ZNF700: variants seen among roughly 807,000 people sequenced by gnomAD.
ZNF700 encodes zinc finger protein 700.
A neutral mutation model predicts 65.3 loss-of-function variants in ZNF700; 38 were observed. The observed-to-expected ratio is 0.58, with a 90% CI of 0.45 to 0.76. The LOEUF (loss-of-function observed/expected upper bound fraction) is 0.76. ZNF700 is among the 30% of genes least tolerant of loss of function. The pLI, the probability that ZNF700 is intolerant of heterozygous loss-of-function variation, is 0.00. For missense variants in ZNF700, 857 were observed against 888.4 expected (o/e 0.96, Z 0.45); for synonymous variants, 285 against 290.4 (o/e 0.98, Z 0.19).
chr19:11,942,325 C>T (rs568675623), intron 1 of ZNF700, among the ~76,000 whole-genome samples: 23 of 151,962 alleles, frequency 1.5e-4, no homozygotes, highest in South Asian at 1.3e-3. Flanking sequence ...TTCAAGGAAA[C>T]ACAGCCTCAG....
At chr19:11,933,909 C>A (rs1038207624) in intron 1 of ZNF700, among the ~76,000 whole-genome samples, 9 of 146,988 alleles carry the variant, frequency 6.1e-5, no homozygotes, top group Non-Finnish European at 1.5e-5. Context: ...CACCCCAGCT[C>A]AGGTGATCCT....
At chr19:11,947,063 G>A (rs544037747) in intron 1 of ZNF700, 118 bp from the exon 2 acceptor site, 132 of 1,457,532 alleles carry the variant, frequency 9.1e-5, no homozygotes, top group South Asian at 5.3e-4. Flanking sequence ...TCTGATAACC[G>A]AAGCAGGGAA....
intron 1 of ZNF700, among the ~76,000 whole-genome samples, chr19:11,928,627 G>A (rs1447559049): frequency 1.4e-5 from 2 of 148,052 alleles, no homozygotes; most frequent in African/African-American, 2.6e-5. Flanking sequence ...AGCTACTTGG[G>A]AGGCTGAGGC....
rs7247192 is a variant in ZNF700 at position 11,926,680 on chromosome 19, C to T, written c.63+1407C>T. On this transcript the variant is annotated intron_variant, in intron 1 of 3. Transcript: ENST00000254321. ...CTGGGATTACAGATGTGAGCCATCT[C>T]GCCGGGCCAGAGGTATGTTTTTATT... 5.4e-3 allele frequency: 838 copies of T among 154,400 alleles called. 6 individuals carry two copies. Among genetic ancestry groups the T allele is most frequent in the African/African-American group, 0.02 (816 of 41,606 alleles). 9.6% of individuals were successfully genotyped at this position (154,400 alleles called of 1,614,324 possible). A position where few individuals can be genotyped will look rare whatever the true frequency, so the allele number is the denominator to read the frequency against.
intron 1 of ZNF700, among the ~76,000 whole-genome samples, chr19:11,928,717 G>T (rs1403416977): frequency 7.3e-6 from 1 of 136,878 alleles, no homozygotes; most frequent in Non-Finnish European, 1.5e-5. Flanking sequence ...GGGCGACAGA[G>T]CGAGACTCCG....
In ZNF700 at chr19:11,940,287, G is replaced by C. The variant is rs551335572; in HGVS notation, c.64-6894G>C. ...CAATGTATTGTGTCCGGAATTGGTG[G>C]GTTCTTGGTGTCACTGACTTCAAAA... On this transcript the variant is annotated intron_variant, in intron 1 of 3. Transcript: ENST00000254321. Among the ~76,000 whole-genome samples, 9 of 152,292 alleles carry C rather than the reference G, an allele frequency of 5.9e-5. No homozygotes were observed. In the South Asian group the frequency reaches 1.9e-3, roughly 32 times the overall value.
rs12327617 is a variant in ZNF700 at position 11,948,830 on chromosome 19, A to C, written c.806A>C (p.Glu269Ala). Residue 269 changes from glutamate to alanine, a missense_variant, in exon 4 of 4, where the codon GAA becomes GCA. This residue lies in a region of ZNF700 where 603 missense variants were observed against 619.9 expected (regional missense o/e 0.97). Transcript: ENST00000254321. ...TATTCTGCTACCCTTCAAATACATG[A>C]AAGAACTCACACTGGGGAGAAGCCC... ...FTYSATLQIHERTHTGEKPYE... is the reference protein window; with the variant it reads ...FTYSATLQIHARTHTGEKPYE... 3 of 1,609,344 alleles carry C rather than the reference A, an allele frequency of 1.9e-6. No individual in the cohort carries two copies. Among genetic ancestry groups the C allele is most frequent in the Non-Finnish European group, 2.5e-6 (3 of 1,178,996 alleles).
intron 1 of ZNF700, among the ~76,000 whole-genome samples, chr19:11,931,927 C>T (rs754474088): frequency 3.4e-5 from 5 of 147,692 alleles, no homozygotes; most frequent in Non-Finnish European, 7.4e-5. Context: ...ATCACCCTGA[C>T]GAGCATGGAG....
At chr19:11,935,305 C>G (rs545163702) in intron 1 of ZNF700, among the ~76,000 whole-genome samples, 1 of 129,816 alleles carries the variant, frequency 7.7e-6, no homozygotes, top group African/African-American at 3.0e-5. Flanking sequence ...GGTGTAATCT[C>G]GGCTCACTGC....
Position 11,949,135 on chromosome 19 carries a change from T to C in ZNF700, c.1111T>C (p.Phe371Leu). 1 of 1,612,338 alleles carries C rather than the reference T, an allele frequency of 6.2e-7. No individual in the cohort carries two copies. The highest frequency in any genetic ancestry group is 8.5e-7 in the Non-Finnish European group (1 of 1,179,662). Reference protein sequence around the residue: ...PYKCKICGKGFYSAKSFQTHE... With the variant: ...PYKCKICGKGLYSAKSFQTHE... ...TAAATGTAAGATATGTGGGAAAGGC[T>C]TTTATTCTGCCAAGTCATTTCAAAC... Residue 371 changes from phenylalanine (F) to leucine (L), a missense_variant, in exon 4 of 4, where the codon TTT becomes CTT. Physicochemically the swap from Phe to Leu is conservative, Grantham distance 22. Transcript: ENST00000254321.
chr19:11,928,458 C>T lies in ZNF700; in HGVS notation c.63+3185C>T, dbSNP rs928173623. Among the ~76,000 whole-genome samples the T allele has an allele frequency of 2.1e-3, 310 of 150,492 alleles. 1 individual carries two copies. Among genetic ancestry groups the T allele is most frequent in the African/African-American group, 7.3e-3 (292 of 39,892 alleles). On this transcript the variant is annotated intron_variant, in intron 1 of 3. Transcript: ENST00000254321. ...GTGAGAAAGTAGTCTCTGGGCCGGGCGCGGTGGCTCACGCCTGTAATCCCA... is the reference window on the plus strand; with the variant it reads ...GTGAGAAAGTAGTCTCTGGGCCGGGTGCGGTGGCTCACGCCTGTAATCCCA...
At chr19:11,947,968 T>C (rs1972988446) in intron 3 of ZNF700, among the ~76,000 whole-genome samples, 2 of 152,174 alleles carry the variant, frequency 1.3e-5, no homozygotes, top group South Asian at 4.1e-4. Context: ...TATGATGATA[T>C]CACTGTACTC....
rs1270794186 is a variant in ZNF700, at chr19:11,950,374, G to T, written c.*121G>T. 2.9e-6 allele frequency: 3 copies of T among 1,018,986 alleles called. No individual in the cohort carries two copies. Among genetic ancestry groups the T allele is most frequent in the Admixed American group, 2.2e-5 (1 of 46,098 alleles). 63.1% of individuals were successfully genotyped at this position (1,018,986 alleles called of 1,614,324 possible). A position where few individuals can be genotyped will look rare whatever the true frequency, so the allele number is the denominator to read the frequency against. ...TCGATATCATGAAAGGACTCACACT[G>T]GGGAGAAACCCTATCAATGTAAGCA... On this transcript the variant is annotated 3_prime_UTR_variant, in exon 4 of 4. Transcript: ENST00000254321.
At position 11,949,515 on chromosome 19, in the gene ZNF700, A is replaced by T; in HGVS notation, c.1491A>T (p.Lys497Asn). 6.2e-7 allele frequency: 1 copy of T among 1,610,502 alleles called. No homozygotes were observed. The highest frequency in any genetic ancestry group is 1.1e-5 in the South Asian group (1 of 90,658). Reference protein sequence around the residue: ...KHLQIHERTEKHIRMPSGERP... With the variant: ...KHLQIHERTENHIRMPSGERP... ...TTCAAATTCATGAAAGGACAGAAAA[A>T]CACATAAGAATGCCCTCTGGAGAAA... The change falls in exon 4 of 4, where the codon AAA becomes AAT. Residue 497 changes from lysine to asparagine, a missense_variant. Physicochemically the swap from Lys to Asn is moderately conservative, Grantham distance 94. This residue lies in a region of ZNF700 where 603 missense variants were observed against 619.9 expected (regional missense o/e 0.97). Coordinates refer to ENST00000254321, the MANE Select transcript of ZNF700 (RefSeq NM_144566.3).
intron 3 of ZNF700, among the ~76,000 whole-genome samples, chr19:11,947,902 G>A (rs1972986895): frequency 6.6e-6 from 1 of 152,248 alleles, no homozygotes; most frequent in African/African-American, 2.4e-5. Flanking sequence ...CAGCTACTCA[G>A]GAGGCGAAGG....
Position 11,947,570 on chromosome 19 carries a change from T to G in ZNF700, c.247T>G (p.Phe83Val). The change falls in exon 3 of 4, where the codon TTC becomes GTC. Residue 83 changes from phenylalanine (F) to valine (V), a missense_variant. Physicochemically the swap from Phe to Val is conservative, Grantham distance 50 (BLOSUM62 -1). Coordinates refer to ENST00000254321, the MANE Select transcript of ZNF700 (RefSeq NM_144566.3). The part of the protein sequence containing the change: ...EYEYQNPRRS[F>V]RSLIEEKVNE... Reference sequence around the variant, plus strand: ...TGAGTACCAAAACCCCAGAAGAAGCTTCAGGTAATTTGCATTTCCAAGAGA... The same window carrying G: ...TGAGTACCAAAACCCCAGAAGAAGCGTCAGGTAATTTGCATTTCCAAGAGA... 6.2e-7 allele frequency: 1 copy of G among 1,613,298 alleles called. No individual in the cohort carries two copies. The highest frequency in any genetic ancestry group is 8.5e-7 in the Non-Finnish European group (1 of 1,179,790).
In ZNF700 at chr19:11,950,051, A is replaced by T; in HGVS notation, c.2027A>T (p.Tyr676Phe). 1 of 1,614,222 alleles carries T rather than the reference A, an allele frequency of 6.2e-7. No individual in the cohort carries two copies. The highest frequency in any genetic ancestry group is 8.5e-7 in the Non-Finnish European group (1 of 1,180,026). ...HERKHRGEKP[Y>F]ECKHCGNGFT... ...AGGAAGCACAGAGGAGAGAAGCCCT[A>T]TGAATGTAAGCATTGTGGGAATGGA... Residue 676 changes from tyrosine (Y) to phenylalanine (F), a missense_variant, in exon 4 of 4, where the codon TAT becomes TTT. Physicochemically the swap from Tyr to Phe is conservative, Grantham distance 22. This residue lies in a region of ZNF700 where 251 missense variants were observed against 250.3 expected (regional missense o/e 1.00). Coordinates refer to ENST00000254321, the MANE Select transcript of ZNF700 (RefSeq NM_144566.3).
chr19:11,939,899 A>G (rs1972853347), intron 1 of ZNF700: 1 of 151,952 alleles, frequency 6.6e-6, no homozygotes, highest in South Asian at 2.1e-4. Flanking sequence ...TATTTTGCTT[A>G]TTGCAATTAT....
intron 1 of ZNF700, among the ~76,000 whole-genome samples, chr19:11,929,206 C>T (rs1972678973): frequency 6.7e-6 from 1 of 148,430 alleles, no homozygotes. Flanking sequence ...CACTCTGTCA[C>T]CCAGGCTGGA....
Sources: allele counts gnomAD v4.1 joint callset (sites outside exome capture counted in the v4.1 genomes callset), GRCh38; gene constraint gnomAD v4.1.1; regional missense constraint gnomAD v4.1.1; transcripts MANE v1.5; gene names NCBI Gene and HGNC (gene_info 2026-07-23, HGNC 2026-07-21).